NKAIN3: variants seen among roughly 807,000 people sequenced by gnomAD.
NKAIN3 encodes the protein sodium/potassium-transporting ATPase subunit beta-1-interacting protein 3.
In NKAIN3, 25 loss-of-function variants were observed where a neutral mutation model predicts 30.2. The observed-to-expected ratio is 0.83, with a 90% confidence interval of 0.60 to 1.16. The LOEUF (loss-of-function observed/expected upper bound fraction) is 1.16. Among genes scored for constraint, NKAIN3 ranks in the 50% most tolerant of loss-of-function variants. The probability of loss-of-function intolerance (pLI) is 0.00; values close to 1 mark genes in which losing one functional copy is unlikely to be tolerated. For missense variants in NKAIN3, 225 were observed against 254.1 expected (o/e 0.89, Z 0.78); for synonymous variants, 91 against 89.6 (o/e 1.02, Z -0.09).
At chr8:62,792,239 C>T (rs1817719982) in intron 4 of NKAIN3, among the ~76,000 whole-genome samples, 1 of 152,086 alleles carries the variant, frequency 6.6e-6, no homozygotes, top group Admixed American at 6.6e-5. Context: ...GTCTCCCTTC[C>T]TGTACCTCCC....
chr8:62,420,439 A>G (rs1050941525), intron 1 of NKAIN3, among the ~76,000 whole-genome samples: 5 of 152,286 alleles, frequency 3.3e-5, no homozygotes, highest in African/African-American at 1.2e-4. Flanking sequence ...CGTGTTACAC[A>G]TTTTTAAGTA....
intron 1 of NKAIN3, among the ~76,000 whole-genome samples, chr8:62,480,684 T>A (rs1334732745): frequency 6.6e-6 from 1 of 152,156 alleles, no homozygotes; most frequent in Non-Finnish European, 1.5e-5. Context: ...TCTATTTAAA[T>A]GGCAGTCCTG....
intron 3 of NKAIN3, among the ~76,000 whole-genome samples, chr8:62,627,602 GTTC>G (rs1282943069): frequency 2.6e-5 from 4 of 152,090 alleles, no homozygotes; most frequent in Non-Finnish European, 5.9e-5. Flanking sequence ...TGATAAAACT[GTTC>G]ATCAAGATGA....
intron 1 of NKAIN3, among the ~76,000 whole-genome samples, chr8:62,357,222 C>T (rs1471881182): frequency 6.6e-6 from 1 of 152,120 alleles, no homozygotes; most frequent in Non-Finnish European, 1.5e-5. Context: ...GCCTGGGCAA[C>T]ATATTGGGAC....
intron 3 of NKAIN3, among the ~76,000 whole-genome samples, chr8:62,624,717 C>T (rs920563299): frequency 6.6e-6 from 1 of 151,258 alleles, no homozygotes; most frequent in Non-Finnish European, 1.5e-5. Flanking sequence ...TTTTTCTGCT[C>T]CTCTGGTGTG....
chr8:62,548,908 T>C (rs1201895602), intron 1 of NKAIN3, among the ~76,000 whole-genome samples: 1 of 135,386 alleles, frequency 7.4e-6, no homozygotes, highest in Non-Finnish European at 1.6e-5. Context: ...ATTATTCCTT[T>C]TTCATATTAC....
intron 1 of NKAIN3, among the ~76,000 whole-genome samples, chr8:62,508,914 G>A (rs1042422366): frequency 5.3e-5 from 7 of 132,284 alleles, no homozygotes; most frequent in Admixed American, 1.4e-4. Context: ...CATGCTCCTC[G>A]CAATTCAACA....
intron 1 of NKAIN3, among the ~76,000 whole-genome samples, chr8:62,517,047 TTAAG>T (rs1808014135): frequency 7.4e-6 from 1 of 134,614 alleles, no homozygotes; most frequent in Admixed American, 6.9e-5. Context: ...TGACGCCTCA[TTAAG>T]TTTTACTTTA....
At chr8:62,542,982 G>T (rs1395305067) in intron 1 of NKAIN3, among the ~76,000 whole-genome samples, 1 of 152,144 alleles carries the variant, frequency 6.6e-6, no homozygotes, top group Non-Finnish European at 1.5e-5. Flanking sequence ...TCTGATCTCA[G>T]GAGCACATAA....
chr8:62,758,133 C>G (rs1301248284), intron 4 of NKAIN3, among the ~76,000 whole-genome samples: 1 of 152,058 alleles, frequency 6.6e-6, no homozygotes, highest in Non-Finnish European at 1.5e-5. Context: ...TGGAGATTCA[C>G]TATGTGAATT....
At chr8:62,901,237 C>A (rs536064860) in intron 4 of NKAIN3, among the ~76,000 whole-genome samples, 1 of 152,266 alleles carries the variant, frequency 6.6e-6, no homozygotes, top group Non-Finnish European at 1.5e-5. Context: ...TCTGTTGCAG[C>A]AATGACGGAG....
At chr8:62,802,974 G>A (rs1818124110) in intron 4 of NKAIN3, among the ~76,000 whole-genome samples, 1 of 152,098 alleles carries the variant, frequency 6.6e-6, no homozygotes, top group Non-Finnish European at 1.5e-5. Context: ...CCTAGTCTCT[G>A]ATAAAACAGA....
intron 3 of NKAIN3, among the ~76,000 whole-genome samples, chr8:62,734,539 A>G (rs958197349): frequency 2.6e-5 from 4 of 152,210 alleles, no homozygotes; most frequent in Non-Finnish European, 1.5e-5. Context: ...GTCAGGAAGA[A>G]TGCTTGAACC....
At chr8:62,256,037 A>G (rs1331498032) in intron 1 of NKAIN3, among the ~76,000 whole-genome samples, 1 of 152,174 alleles carries the variant, frequency 6.6e-6, no homozygotes, top group Non-Finnish European at 1.5e-5. Flanking sequence ...TCCTAAGGCT[A>G]TTAGGAGCAA....
chr8:62,317,778 G>A (rs1020221150), intron 1 of NKAIN3, among the ~76,000 whole-genome samples: 2 of 152,096 alleles, frequency 1.3e-5, no homozygotes, highest in African/African-American at 2.4e-5. Flanking sequence ...TTGGTTCCAT[G>A]TGAACTTTAA....
chr8:62,333,513 T>G (rs1467951411), intron 1 of NKAIN3, among the ~76,000 whole-genome samples: 1 of 152,096 alleles, frequency 6.6e-6, no homozygotes, highest in Non-Finnish European at 1.5e-5. Context: ...TGCAGTGCCC[T>G]TACTGGAATC....
At chr8:62,811,944 TG>T (rs1818501563) in intron 4 of NKAIN3, among the ~76,000 whole-genome samples, 1 of 150,662 alleles carries the variant, frequency 6.6e-6, no homozygotes, top group African/African-American at 2.5e-5. Flanking sequence ...CTTTCTCCTG[TG>T]TTTTTTTTTC....
chr8:62,534,848 A>G (rs80282825), intron 1 of NKAIN3, among the ~76,000 whole-genome samples: 2,436 of 130,150 alleles, frequency 0.019, 66 homozygotes, highest in African/African-American at 0.065. Context: ...ATGTAAAAAC[A>G]TTGCATTTAT....
Position 62,609,233 on chromosome 8 carries a change from A to G in NKAIN3, c.273+19439A>G, listed in dbSNP as rs116411003. ...GTTGTTTTATTATTAGTTTGCATTT[A>G]TATTGTATTTTCCCTCAAGTAGCTT... On this transcript the variant is annotated intron_variant, in intron 3 of 6. Transcript: ENST00000623646. Among the ~76,000 whole-genome samples, 1,289 of 152,248 alleles carry G rather than the reference A, an allele frequency of 8.5e-3. 15 individuals carry two copies. Among genetic ancestry groups the G allele is most frequent in the African/African-American group, 0.028 (1,157 of 41,550 alleles).
Sources: allele counts gnomAD v4.1 joint callset (sites outside exome capture counted in the v4.1 genomes callset), GRCh38; gene constraint gnomAD v4.1.1; transcripts MANE v1.5; gene names NCBI Gene and HGNC (gene_info 2026-07-23, HGNC 2026-07-21).